Variants in GAB4 observed in about 807,000 individuals in gnomAD.
The protein encoded by GAB4 is GRB2 associated binding protein family member 4.
GAB4 carries 26 observed loss-of-function variants against 51.3 expected under a neutral mutation model. The ratio of observed to expected loss-of-function variants is 0.51; its 90% CI spans 0.37 to 0.70. GAB4 has a LOEUF of 0.70. Among genes scored for constraint, GAB4 ranks in the 30% least tolerant of loss-of-function variants. GAB4 has a pLI of 0.00. For synonymous variants in GAB4, 329 were observed against 291.2 expected (o/e 1.13, Z -1.32); for missense variants, 759 against 734.6 (o/e 1.03, Z -0.38).
chr22:17,000,104 G>T (rs1216187478), intron 1 of GAB4, among the ~76,000 whole-genome samples: 1 of 152,202 alleles, frequency 6.6e-6, no homozygotes, highest in African/African-American at 2.4e-5. Flanking sequence ...GTGCTTAGAA[G>T]AGTGTATATT....
intron 3 of GAB4, among the ~76,000 whole-genome samples, chr22:16,981,476 C>T (rs1230818803): frequency 6.6e-6 from 1 of 151,912 alleles, no homozygotes; most frequent in Admixed American, 6.6e-5. Context: ...ATTCAAAGGA[C>T]CATCAGAGAC....
intron 2 of GAB4, 109 bp downstream of exon 2, chr22:16,991,764 G>T: frequency 1.1e-6 from 1 of 931,552 alleles, no homozygotes; most frequent in African/African-American, 1.7e-5. Flanking sequence ...GCTTCATCAC[G>T]AGCCCAACAC....
chr22:16,978,279 CACTAGCCAG>C (rs2060797196), intron 3 of GAB4, among the ~76,000 whole-genome samples: 1 of 152,002 alleles, frequency 6.6e-6, no homozygotes, highest in African/African-American at 2.4e-5. Flanking sequence ...TTAGATAGAC[CACTAGCCAG>C]ACTAATAAAG....
At chr22:16,972,355 A>C (rs1428878997) in intron 3 of GAB4, among the ~76,000 whole-genome samples, 1 of 152,198 alleles carries the variant, frequency 6.6e-6, no homozygotes, top group East Asian at 1.9e-4. Flanking sequence ...AAGGATCTGC[A>C]GCAGCAGGCC....
intron 3 of GAB4, among the ~76,000 whole-genome samples, chr22:16,981,843 A>C (rs2060829881): frequency 6.6e-6 from 1 of 152,210 alleles, no homozygotes; most frequent in Admixed American, 6.5e-5. Context: ...ATAACAATAT[A>C]TTATAAAGAT....
rs370134745 is a variant in GAB4 at position 16,984,044 on chromosome 22, C to T, written c.686+3916G>A. The stretch of plus-strand genomic sequence containing the variant: ...TCTACGCAATAGGAGAAAGTATTTT[C>T]AAACTATTCATCCAATAAGAAATTA... On this transcript the variant is annotated intron_variant, in intron 3 of 9. Transcript: ENST00000400588. Among the ~76,000 whole-genome samples, 12 of 152,162 alleles carry T rather than the reference C, an allele frequency of 7.9e-5. No homozygotes were observed. The East Asian group carries it at 1.7e-3, about 22-fold the overall frequency.
At position 16,970,107 on chromosome 22, in the gene GAB4, T is replaced by C; in HGVS notation, c.773A>G (p.Tyr258Cys). ...AMQNLAQHSG[Y>C]SVDGVSGHIH... ...GTGACCGCTGACCCCATCAACACTG[T>C]ATCCACTGTGCTGGGCAAGATTTTG... The change falls in exon 4 of 10, where the codon TAC (tyrosine) becomes TGC (cysteine). Residue 258 changes from tyrosine (Y) to cysteine (C), a missense_variant. Transcript: ENST00000400588. 6.2e-7 allele frequency: 1 copy of C among 1,614,152 alleles called. No homozygotes were observed. The highest frequency in any genetic ancestry group is 1.1e-5 in the South Asian group (1 of 91,086).
chr22:16,965,345 G>T, intron 6 of GAB4, 77 bp from the exon 7 acceptor site: 1 of 1,213,434 alleles, frequency 8.2e-7, no homozygotes, highest in Non-Finnish European at 1.2e-6. Flanking sequence ...AGGCCCAGGT[G>T]TGCTTAGAAA....
chr22:17,006,449 G>A (rs1280805381), intron 1 of GAB4, among the ~76,000 whole-genome samples: 5 of 152,144 alleles, frequency 3.3e-5, no homozygotes, highest in East Asian at 1.9e-4. Flanking sequence ...ACAGTGTGGC[G>A]ACTCCTCAAG....
At chr22:16,969,294 T>G (rs986991513) in intron 4 of GAB4, among the ~76,000 whole-genome samples, 2 of 152,240 alleles carry the variant, frequency 1.3e-5, no homozygotes, top group Non-Finnish European at 2.9e-5. Context: ...CTGTTTTAAG[T>G]CTTTACTCGG....
chr22:16,970,288 G>A, intron 3 of GAB4, 95 bp from the exon 4 acceptor site: 3 of 1,365,976 alleles, frequency 2.2e-6, no homozygotes, highest in Non-Finnish European at 3.0e-6. Flanking sequence ...AATGTAGTGA[G>A]ATGATATGGA....
rs909660308 is a variant in GAB4 at position 17,007,835 on chromosome 22, C to T, written c.174+106G>A. 3.8e-6 allele frequency: 4 copies of T among 1,065,086 alleles called. No homozygotes were observed. In the African/African-American group the frequency reaches 4.8e-5, roughly 13 times the overall value. 66.0% of individuals were successfully genotyped at this position (1,065,086 alleles called of 1,614,324 possible). A position where few individuals can be genotyped will look rare whatever the true frequency, so the allele number is the denominator to read the frequency against. On this transcript the variant is annotated intron_variant, in intron 1 of 9. Coordinates refer to ENST00000400588, the MANE Select transcript of GAB4 (RefSeq NM_001037814.1). ...GCATGCAGACGTGGAGAAGTCGCCTCCACCCGCAGCTCCTCCCGTGGACCC... is the reference window on the plus strand; with the variant it reads ...GCATGCAGACGTGGAGAAGTCGCCTTCACCCGCAGCTCCTCCCGTGGACCC...
intron 9 of GAB4, among the ~76,000 whole-genome samples, chr22:16,963,370 C>T (rs1188125487): frequency 3.9e-5 from 6 of 152,216 alleles, no homozygotes; most frequent in Admixed American, 2.6e-4. Context: ...CATCAATGGC[C>T]GGGCTCTAGA....
At chr22:16,971,307 C>T (rs1297429125) in intron 3 of GAB4, among the ~76,000 whole-genome samples, 3 of 152,162 alleles carry the variant, frequency 2.0e-5, no homozygotes, top group East Asian at 3.9e-4. Context: ...GCGCTGCCAC[C>T]GATAAGCTCT....
intron 2 of GAB4, among the ~76,000 whole-genome samples, chr22:16,991,109 C>T (rs1412847420): frequency 6.6e-6 from 1 of 152,128 alleles, no homozygotes; most frequent in African/African-American, 2.4e-5. Flanking sequence ...TGAAGCTTTA[C>T]TTTTTCAATT....
chr22:16,990,641 G>A (rs1030267428), intron 2 of GAB4, among the ~76,000 whole-genome samples: 4 of 152,110 alleles, frequency 2.6e-5, no homozygotes, highest in South Asian at 4.1e-4. Context: ...TCTAGCACTC[G>A]GGCAGTAGAG....
chr22:16,981,942 A>G (rs1176887102), intron 3 of GAB4, among the ~76,000 whole-genome samples: 1 of 152,248 alleles, frequency 6.6e-6, no homozygotes, highest in African/African-American at 2.4e-5. Flanking sequence ...CCACATTAAT[A>G]GATTCAAAAA....
intron 3 of GAB4, among the ~76,000 whole-genome samples, chr22:16,973,639 A>C (rs1190533852): frequency 2.0e-5 from 3 of 152,176 alleles, no homozygotes; most frequent in Admixed American, 2.0e-4. Flanking sequence ...TTCTATCTAC[A>C]AAAGAATTAC....
At chr22:16,978,540 A>G (rs1601262487) in intron 3 of GAB4, among the ~76,000 whole-genome samples, 2 of 152,218 alleles carry the variant, frequency 1.3e-5, no homozygotes, top group Admixed American at 6.5e-5. Flanking sequence ...GCAGTAATTA[A>G]TCGCCTACCA....
Sources: gnomAD v4.1 joint callset for allele counts (sites outside exome capture counted in the v4.1 genomes callset) on GRCh38, gnomAD v4.1.1 for gene constraint, MANE v1.5 for transcripts, NCBI Gene and HGNC (gene_info 2026-07-23, HGNC 2026-07-21) for gene names.